ASAH1: variants seen among roughly 807,000 people sequenced by gnomAD.
ASAH1 encodes acid ceramidase.
A neutral mutation model predicts 59.5 loss-of-function variants in ASAH1; 70 were observed. The observed-to-expected ratio is 1.18, with a 90% CI of 0.97 to 1.43. ASAH1 has a LOEUF of 1.43. Ranked by LOEUF, ASAH1 falls within the 40% of genes most tolerant of loss-of-function variation. The probability of loss-of-function intolerance (pLI) is 0.00; values close to 1 mark genes in which losing one functional copy is unlikely to be tolerated. For missense variants in ASAH1, 660 were observed against 482.5 expected, an observed-to-expected ratio of 1.37 and a Z score of -3.45; for synonymous variants, 213 against 166.5, an observed-to-expected ratio of 1.28 and a Z score of -2.15.
intron 10 of ASAH1, 50 bp from the exon 11 acceptor site, chr8:18,059,753 TA>T: frequency 6.7e-7 from 1 of 1,493,760 alleles, no homozygotes; most frequent in Non-Finnish European, 9.1e-7. Flanking sequence ...TTAATTTTAG[TA>T]AATAACTTCA....
chr8:18,059,853 G>A (rs144665720), intron 10 of ASAH1, 150 bp from the exon 11 acceptor site: 6 of 722,506 alleles, frequency 8.3e-6, no homozygotes, highest in Non-Finnish European at 1.3e-5. Context: ...ATGGTGGTTT[G>A]CTGCACCCAT....
chr8:18,059,094 T>C (rs1487993768), intron 12 of ASAH1: 5 of 709,938 alleles, frequency 7.0e-6, no homozygotes, highest in Admixed American at 2.8e-5. Context: ...TTCCCCTTTT[T>C]TAAATTCTTG....
At chr8:18,082,297 G>A (rs866544114) in intron 1 of ASAH1, among the ~76,000 whole-genome samples, 1 of 152,052 alleles carries the variant, frequency 6.6e-6, no homozygotes, top group Non-Finnish European at 1.5e-5. Flanking sequence ...TATTGAGAAA[G>A]AAGAAAAAAC....
At chr8:18,061,602 G>A (rs1195549610) in intron 9 of ASAH1, 84 bp downstream of exon 9, 2 of 1,503,360 alleles carry the variant, frequency 1.3e-6, no homozygotes, top group African/African-American at 2.8e-5. Context: ...GAAGAGGTTG[G>A]ACTTTGTAAC....
chr8:18,057,556 G>C lies in ASAH1; in HGVS notation c.1166C>G (p.Pro389Arg), dbSNP rs879107867. 3.7e-6 allele frequency: 6 copies of C among 1,602,344 alleles called. No individual in the cohort carries two copies. In the South Asian group the frequency reaches 5.5e-5, roughly 15 times the overall value. The change falls in exon 14 of 14, where the codon CCT becomes CGT. Residue 389 changes from proline (P) to arginine (R), a missense_variant. Coordinates refer to ENST00000637790, the MANE Select transcript of ASAH1 (RefSeq NM_177924.5). ...TGCTCACCAACCTATACAAGGGTCA[G>C]GGCAGTCCCGCAGGTAAGTTTCGAA... ...GQFETYLRDC[P>R]DPCIGW
Position 18,057,080 on chromosome 8 carries a change from C to G in ASAH1, c.*454G>C, listed in dbSNP as rs1313982646. 5.9e-6 allele frequency: 1 copy of G among 170,312 alleles called. No homozygotes were observed. Among genetic ancestry groups the G allele is most frequent in the Non-Finnish European group, 1.3e-5 (1 of 78,400 alleles). The allele number at this position is 170,312 out of a possible 1,614,324, so 10.6% of individuals were successfully genotyped here. A position where few individuals can be genotyped will look rare whatever the true frequency, so the allele number is the denominator to read the frequency against. Reference sequence around the variant, plus strand: ...TATTAATTTTAACAGCAGTTAGAACCAGAAGGAAAAGGCTGTTATACAGAA... The same window carrying G: ...TATTAATTTTAACAGCAGTTAGAACGAGAAGGAAAAGGCTGTTATACAGAA... On this transcript the variant is annotated 3_prime_UTR_variant, in exon 14 of 14. Coordinates refer to ENST00000637790, the MANE Select transcript of ASAH1 (RefSeq NM_177924.5).
At chr8:18,074,716 T>G (rs2117075056) in intron 2 of ASAH1, among the ~76,000 whole-genome samples, 2 of 152,362 alleles carry the variant, frequency 1.3e-5, no homozygotes, top group East Asian at 3.9e-4. Context: ...GACCAAAATC[T>G]AGACTAAAAA....
chr8:18,078,520 G>A (rs13282042), intron 1 of ASAH1, among the ~76,000 whole-genome samples: 72,835 of 151,906 alleles, frequency 0.48, 17,885 homozygotes, highest in Non-Finnish European at 0.53. Context: ...CGCCTAAGTC[G>A]TTTATGCAAA....
At chr8:18,063,021 C>G in intron 7 of ASAH1, 164 bp downstream of exon 7, 2 of 654,294 alleles carry the variant, frequency 3.1e-6, no homozygotes, top group South Asian at 3.4e-5. Flanking sequence ...AGATGCCCAC[C>G]ACCATGCCTG....
At chr8:18,064,250 A>C in intron 6 of ASAH1, 1 of 586,124 alleles carries the variant, frequency 1.7e-6, no homozygotes, top group Non-Finnish European at 3.0e-6. Flanking sequence ...TGCATGTCTG[A>C]AATCAACTTT....
chr8:18,057,351 A>G lies in ASAH1; in HGVS notation c.*183T>C, dbSNP rs1229744744. ...AGTTATCTGTAAATAAGAAAAATCAACTGATAGGGGGAAAAAAAAAAGATC... is the reference window on the plus strand; with the variant it reads ...AGTTATCTGTAAATAAGAAAAATCAGCTGATAGGGGGAAAAAAAAAAGATC... On this transcript the variant is annotated 3_prime_UTR_variant, in exon 14 of 14. Coordinates refer to ENST00000637790, the MANE Select transcript of ASAH1 (RefSeq NM_177924.5). 10 of 420,758 alleles carry G rather than the reference A, an allele frequency of 2.4e-5. No homozygotes were observed. The highest frequency in any genetic ancestry group is 1.9e-4 in the African/African-American group (9 of 47,372). 26.1% of individuals were successfully genotyped at this position (420,758 alleles called of 1,614,324 possible). A position where few individuals can be genotyped will look rare whatever the true frequency, so the allele number is the denominator to read the frequency against.
At chr8:18,080,849 C>T (rs190140997) in intron 1 of ASAH1, among the ~76,000 whole-genome samples, 2 of 152,300 alleles carry the variant, frequency 1.3e-5, no homozygotes, top group Admixed American at 1.3e-4. Flanking sequence ...TGAGCCACCG[C>T]GCCCGGCCTG....
chr8:18,064,707 C>G (rs967144335), intron 5 of ASAH1, 176 bp from the exon 6 acceptor site: 4 of 566,480 alleles, frequency 7.1e-6, no homozygotes, highest in Non-Finnish European at 1.2e-5. Flanking sequence ...TCTCTAGACT[C>G]AAGATGAAAC....
rs1799583699 is a variant in ASAH1 at position 18,059,139 on chromosome 8, C to T, written c.1041+202G>A. 3.6e-5 allele frequency: 28 copies of T among 784,898 alleles called. No individual in the cohort carries two copies. In the South Asian group the frequency reaches 5.0e-4, roughly 14 times the overall value. 48.6% of individuals were successfully genotyped at this position (784,898 alleles called of 1,614,324 possible). A position where few individuals can be genotyped will look rare whatever the true frequency, so the allele number is the denominator to read the frequency against. ...TATTCAACTTCAGAGTGGTATCCAG[C>T]ATTAGAACCAGAAAAGGAAAGTACA... On this transcript the variant is annotated intron_variant, in intron 12 of 13. Transcript: ENST00000637790.
intron 13 of ASAH1, chr8:18,058,404 A>T: frequency 6.1e-6 from 1 of 164,942 alleles, no homozygotes; most frequent in Non-Finnish European, 1.3e-5. Flanking sequence ...AACTTTTTGC[A>T]TTTTTTTAAA....
rs548363899 is a variant in ASAH1 at position 18,081,683 on chromosome 8, A to G, written c.78+2298T>C. On this transcript the variant is annotated intron_variant, in intron 1 of 13. Transcript: ENST00000637790. ...ACAAACACACAAAAAATCCTTACAG[A>G]TGTTCTAAATCAAATGACTTGTTTC... 4.4e-4 allele frequency among the ~76,000 whole-genome samples: 67 copies of G among 152,362 alleles called. No individual in the cohort carries two copies. The South Asian group carries it at 0.013, about 30-fold the overall frequency.
intron 5 of ASAH1, 88 bp downstream of exon 5, chr8:18,067,132 A>T: frequency 5.3e-6 from 3 of 568,690 alleles, no homozygotes; most frequent in Non-Finnish European, 7.2e-6. Flanking sequence ...GACATACAGC[A>T]CCTGTGCTGT....
At position 18,059,683 on chromosome 8, in the gene ASAH1, A is replaced by G. The variant is rs1391087697; in HGVS notation, c.806T>C (p.Leu269Ser). The G allele has an allele frequency of 1.9e-6, 3 of 1,614,168 alleles. No homozygotes were observed. Among genetic ancestry groups the G allele is most frequent in the Non-Finnish European group, 2.5e-6 (3 of 1,180,012 alleles). ...GGCCAATATCTTGGTCTTGGTCAAT[A>G]AATTCTTGGCTTCTTCATAACTATA... ...NSTSYEEAKN[L>S]LTKTKILAPA... The change falls in exon 11 of 14, where the codon TTA becomes TCA. Residue 269 changes from leucine to serine, a missense_variant. Transcript: ENST00000637790.
At chr8:18,084,206 C>A, upstream of ASAH1, 2 of 1,519,156 alleles carry the variant, frequency 1.3e-6, no homozygotes, top group Non-Finnish European at 1.8e-6. Flanking sequence ...TCGGAGGAGG[C>A]GGGACTGGGA....
Sources: allele counts gnomAD v4.1 joint callset (sites outside exome capture counted in the v4.1 genomes callset), GRCh38; gene constraint gnomAD v4.1.1; transcripts MANE v1.5; gene names NCBI Gene and HGNC (gene_info 2026-07-23, HGNC 2026-07-21).